The following TXNDC8 variants were observed in gnomAD, a reference collection of about 807,000 sequenced individuals.
TXNDC8 encodes the protein thioredoxin domain-containing protein 8.
TXNDC8 carries 15 observed loss-of-function variants against 12.9 expected under a neutral mutation model. The ratio of observed to expected loss-of-function variants is 1.16; its 90% CI spans 0.78 to 1.79. The LOEUF (loss-of-function observed/expected upper bound fraction) is 1.79. Among genes scored for constraint, TXNDC8 ranks in the 40% most tolerant of loss-of-function variants. TXNDC8 has a pLI of 0.00. For missense variants in TXNDC8, 128 were observed against 113.2 expected (o/e 1.13, Z -0.59); for synonymous variants, 40 against 35.4 (o/e 1.13, Z -0.46).
chr9:110,325,385 A>G (rs1839268687), intron 3 of TXNDC8, among the ~76,000 whole-genome samples: 1 of 152,192 alleles, frequency 6.6e-6, no homozygotes, highest in Non-Finnish European at 1.5e-5. Context: ...ACAGCTAGGA[A>G]GTGCTAGAAG....
intron 3 of TXNDC8, among the ~76,000 whole-genome samples, chr9:110,313,169 G>A (rs986180029): frequency 2.6e-5 from 4 of 152,076 alleles, no homozygotes; most frequent in African/African-American, 9.7e-5. Flanking sequence ...GCCTCCCAAA[G>A]TGCTGGGATT....
chr9:110,307,899 G>T (rs1230491803), intron 3 of TXNDC8, among the ~76,000 whole-genome samples: 9 of 152,148 alleles, frequency 5.9e-5, no homozygotes, highest in African/African-American at 1.9e-4. Flanking sequence ...ACCGTCTTGG[G>T]CACATAGCAT....
At chr9:110,315,621 C>G (rs1331917950) in intron 3 of TXNDC8, among the ~76,000 whole-genome samples, 1 of 152,096 alleles carries the variant, frequency 6.6e-6, no homozygotes, top group Non-Finnish European at 1.5e-5. Flanking sequence ...ATCTTCTTGC[C>G]TCAGCCTGCC....
intron 2 of TXNDC8, among the ~76,000 whole-genome samples, chr9:110,332,852 C>G (rs1839597451): frequency 6.6e-6 from 1 of 152,244 alleles, no homozygotes; most frequent in Non-Finnish European, 1.5e-5. Flanking sequence ...TATATGATTA[C>G]AACTCACTAG....
At chr9:110,330,562 A>C (rs1839509763) in intron 2 of TXNDC8, among the ~76,000 whole-genome samples, 1 of 152,190 alleles carries the variant, frequency 6.6e-6, no homozygotes, top group Non-Finnish European at 1.5e-5. Flanking sequence ...CAATTTCTCA[A>C]CAAAATTTTA....
At chr9:110,315,863 G>T (rs1838870006) in intron 3 of TXNDC8, among the ~76,000 whole-genome samples, 1 of 150,486 alleles carries the variant, frequency 6.6e-6, no homozygotes, top group South Asian at 2.1e-4. Context: ...GGGGGCGGGG[G>T]GCGCAGGCTG....
chr9:110,309,842 C>T (rs1838598299), intron 3 of TXNDC8, among the ~76,000 whole-genome samples: 1 of 151,608 alleles, frequency 6.6e-6, no homozygotes, highest in Admixed American at 6.6e-5. Flanking sequence ...CGGCTCAGTT[C>T]CTTTTATTAA....
At chr9:110,336,047 A>G (rs907063120) in intron 1 of TXNDC8, among the ~76,000 whole-genome samples, 1 of 152,158 alleles carries the variant, frequency 6.6e-6, no homozygotes, top group African/African-American at 2.4e-5. Context: ...GGTTTTATAA[A>G]GGGCAGTTCC....
Position 110,303,712 on chromosome 9 carries a change from T to C in TXNDC8, c.262-4A>G. ...CATTTCCATCATCTGCAAGACACTT[T>C]AAATATAAATATACATTAAACACAT... On this transcript the variant is annotated splice_polypyrimidine_tract_variant and splice_region_variant and intron_variant, in intron 4 of 4. Coordinates refer to ENST00000423740, the MANE Select transcript of TXNDC8 (RefSeq NM_001286946.2). 4.5e-6 allele frequency: 7 copies of C among 1,572,794 alleles called. No individual in the cohort carries two copies. Among genetic ancestry groups the C allele is most frequent in the Non-Finnish European group, 6.1e-6 (7 of 1,153,028 alleles).
At chr9:110,310,125 T>A (rs1481765820) in intron 3 of TXNDC8, among the ~76,000 whole-genome samples, 2 of 152,030 alleles carry the variant, frequency 1.3e-5, no homozygotes, top group Non-Finnish European at 2.9e-5. Flanking sequence ...TTGTGCACAT[T>A]CACATTAAAG....
intron 2 of TXNDC8, among the ~76,000 whole-genome samples, chr9:110,333,071 G>A (rs1839604969): frequency 6.6e-6 from 1 of 152,142 alleles, no homozygotes. Context: ...AGGTTGCCAG[G>A]GAACAGGGAA....
At chr9:110,320,220 C>G (rs372595110) in intron 3 of TXNDC8, among the ~76,000 whole-genome samples, 1 of 152,204 alleles carries the variant, frequency 6.6e-6, no homozygotes, top group African/African-American at 2.4e-5. Flanking sequence ...CAAATCTCAT[C>G]TTGAGTTGTA....
At chr9:110,332,970 G>A (rs1352545803) in intron 2 of TXNDC8, among the ~76,000 whole-genome samples, 6 of 152,178 alleles carry the variant, frequency 3.9e-5, no homozygotes, top group Admixed American at 1.3e-4. Context: ...TAAGTGAAAC[G>A]AGTGAGTCAC....
intron 3 of TXNDC8, among the ~76,000 whole-genome samples, chr9:110,305,562 CTTT>C (rs1838409453): frequency 1.6e-5 from 2 of 126,976 alleles, no homozygotes; most frequent in African/African-American, 7.0e-5. Flanking sequence ...TTCTTTCTTT[CTTT>C]CTTTCTTTCT....
intron 2 of TXNDC8, among the ~76,000 whole-genome samples, chr9:110,328,556 C>T (rs578249297): frequency 1.3e-5 from 2 of 152,226 alleles, no homozygotes; most frequent in South Asian, 4.1e-4. Flanking sequence ...CCTGTAATCC[C>T]AACACTTTGG....
At chr9:110,309,854 GA>G (rs945910011) in intron 3 of TXNDC8, among the ~76,000 whole-genome samples, 9 of 149,138 alleles carry the variant, frequency 6.0e-5, no homozygotes, top group Admixed American at 1.3e-4. Context: ...TTTTATTAAG[GA>G]AAAAAAAGTG....
chr9:110,312,051 T>A (rs1239257497), intron 3 of TXNDC8, among the ~76,000 whole-genome samples: 1 of 151,812 alleles, frequency 6.6e-6, no homozygotes, highest in East Asian at 1.9e-4. Flanking sequence ...GTTATCTGCA[T>A]GGACTGAACT....
chr9:110,306,487 C>A (rs1456726497), intron 3 of TXNDC8, among the ~76,000 whole-genome samples: 2 of 152,186 alleles, frequency 1.3e-5, no homozygotes, highest in Non-Finnish European at 2.9e-5. Flanking sequence ...CATCACCATA[C>A]AATCCAAGCT....
intron 3 of TXNDC8, among the ~76,000 whole-genome samples, chr9:110,312,603 A>G (rs1420576760): frequency 6.6e-6 from 1 of 152,216 alleles, no homozygotes; most frequent in Non-Finnish European, 1.5e-5. Context: ...CTCAGCTTCA[A>G]AAAAGTCTTA....
Sources: gnomAD v4.1 joint callset for allele counts (sites outside exome capture counted in the v4.1 genomes callset) on GRCh38, gnomAD v4.1.1 for gene constraint, MANE v1.5 for transcripts, NCBI Gene and HGNC (gene_info 2026-07-23, HGNC 2026-07-21) for gene names.